The following ECPAS variants were observed in gnomAD, a reference collection of about 807,000 sequenced individuals.
ECPAS encodes proteasome adapter and scaffold protein ECM29.
Under a neutral mutation model 255.1 loss-of-function variants are expected in ECPAS, and 70 were observed. The ratio of observed to expected loss-of-function variants is 0.27; its 90% CI spans 0.23 to 0.33. ECPAS has a LOEUF of 0.33. ECPAS is among the 10% of genes least tolerant of loss of function. ECPAS has a pLI of 1.00. For synonymous variants in ECPAS, 784 were observed against 775.0 expected, an observed-to-expected ratio of 1.01 and a Z score of -0.19; for missense variants, 1,817 against 2,206.4, an observed-to-expected ratio of 0.82 and a Z score of 3.54.
chr9:111,451,163 C>T (rs1464706623), intron 3 of ECPAS, among the ~76,000 whole-genome samples: 2 of 152,106 alleles, frequency 1.3e-5, no homozygotes, highest in Non-Finnish European at 2.9e-5. Flanking sequence ...CAGATCATGC[C>T]TCCATACATT....
At chr9:111,476,038 G>A (rs960520883) in intron 1 of ECPAS, among the ~76,000 whole-genome samples, 2 of 152,222 alleles carry the variant, frequency 1.3e-5, no homozygotes, top group Admixed American at 6.5e-5. Flanking sequence ...AGCACTAGCA[G>A]AGGCTCTCTC....
At chr9:111,483,923 C>A (rs933033710) in intron 1 of ECPAS, 193 bp downstream of exon 1, 6 of 745,826 alleles carry the variant, frequency 8.0e-6, no homozygotes, top group Non-Finnish European at 8.2e-6. Context: ...TCCCAGCGGC[C>A]CCCCCGCCGG....
At chr9:111,443,309 G>A (rs1453871913) in intron 4 of ECPAS, among the ~76,000 whole-genome samples, 1 of 152,154 alleles carries the variant, frequency 6.6e-6, no homozygotes, top group African/African-American at 2.4e-5. Flanking sequence ...GGAGTGCAAT[G>A]GCACAATCTC....
chr9:111,473,026 A>G, intron 1 of ECPAS, 26 bp from the exon 2 acceptor site: 1 of 760,444 alleles, frequency 1.3e-6, no homozygotes, highest in Non-Finnish European at 1.7e-6. Flanking sequence ...CCAAAAAAAT[A>G]CAATTAACAG....
rs555557638 is a variant in ECPAS, at chr9:111,375,368, C to T, written c.4021-166G>A. Reference sequence around the variant, plus strand: ...TTTCAATATTAAAACCACTATTGTACTACAAACAGAAAAATTATTCATCAG... The same window carrying T: ...TTTCAATATTAAAACCACTATTGTATTACAAACAGAAAAATTATTCATCAG... On this transcript the variant is annotated intron_variant, in intron 37 of 49. Coordinates refer to ENST00000684092, the MANE Select transcript of ECPAS (RefSeq NM_001364929.1). Among the ~76,000 whole-genome samples, 35 of 152,226 alleles carry T rather than the reference C, an allele frequency of 2.3e-4. No homozygotes were observed. The South Asian group carries it at 7.1e-3, about 31-fold the overall frequency.
At chr9:111,362,318 T>G in intron 49 of ECPAS, 149 bp from the exon 50 acceptor site, 2 of 633,970 alleles carry the variant, frequency 3.2e-6, no homozygotes, top group Non-Finnish European at 5.3e-6. Context: ...TGATAACAGA[T>G]CAGTATATAA....
chr9:111,389,934 G>T, intron 30 of ECPAS, 50 bp downstream of exon 30: 1 of 1,330,730 alleles, frequency 7.5e-7, no homozygotes, highest in Non-Finnish European at 1.1e-6. Flanking sequence ...AATGTAGCAT[G>T]TTTGGTTTGC....
At chr9:111,450,219 T>C (rs1006574743) in intron 3 of ECPAS, among the ~76,000 whole-genome samples, 1 of 152,126 alleles carries the variant, frequency 6.6e-6, no homozygotes, top group Non-Finnish European at 1.5e-5. Context: ...CTAAGAAGTA[T>C]ACAGAAATCA....
intron 20 of ECPAS, among the ~76,000 whole-genome samples, chr9:111,413,520 GA>G (rs2098198174): frequency 6.6e-6 from 1 of 152,118 alleles, no homozygotes; most frequent in African/African-American, 2.4e-5. Context: ...ATGTTTGTCA[GA>G]GGGGAGAGGA....
chr9:111,398,615 G>C (rs1042007243), intron 24 of ECPAS, among the ~76,000 whole-genome samples: 17 of 152,082 alleles, frequency 1.1e-4, no homozygotes, highest in African/African-American at 3.9e-4. Context: ...GGTGGAAATG[G>C]TTAACAGGTA....
At chr9:111,474,504 G>A (rs899255525) in intron 1 of ECPAS, among the ~76,000 whole-genome samples, 1 of 152,064 alleles carries the variant, frequency 6.6e-6, no homozygotes, top group African/African-American at 2.4e-5. Flanking sequence ...TAGTCTTGCT[G>A]CTCTTGATCT....
chr9:111,378,654 G>A lies in ECPAS; in HGVS notation c.3880C>T (p.Leu1294=). Reference sequence around the variant, plus strand: ...TCCAATACACTTAAGGACTCTAGCAGAGCTGGAATGAGTTTTGGTGCATGC... The same window carrying A: ...TCCAATACACTTAAGGACTCTAGCAAAGCTGGAATGAGTTTTGGTGCATGC... ...KPHAPKLIPA[L]LESLSVLEPQ... Residue 1294 remains leucine, a synonymous_variant, in exon 36 of 50, where the codon CTG becomes TTG. Coordinates refer to ENST00000684092, the MANE Select transcript of ECPAS (RefSeq NM_001364929.1). 6.2e-7 allele frequency: 1 copy of A among 1,613,894 alleles called. No homozygotes were observed. Among genetic ancestry groups the A allele is most frequent in the Non-Finnish European group, 8.5e-7 (1 of 1,179,788 alleles).
chr9:111,391,942 A>C, intron 28 of ECPAS, 118 bp from the exon 29 acceptor site: 1 of 762,932 alleles, frequency 1.3e-6, no homozygotes, highest in Non-Finnish European at 2.2e-6. Context: ...TGTGTACAAG[A>C]TATAAAAGTC....
intron 14 of ECPAS, 24 bp from the exon 15 acceptor site, chr9:111,422,067 C>T (rs769908382): frequency 1.2e-6 from 2 of 1,613,496 alleles, no homozygotes; most frequent in South Asian, 2.2e-5. Context: ...AAAAATGTTT[C>T]CCTCCTTGTT....
At chr9:111,407,414 A>G (rs922026460) in intron 24 of ECPAS, among the ~76,000 whole-genome samples, 5 of 119,628 alleles carry the variant, frequency 4.2e-5, no homozygotes, top group African/African-American at 2.0e-4. Context: ...AAAAAAAAAA[A>G]AAAAAAAAAA....
chr9:111,439,612 T>G (rs2098243046), intron 6 of ECPAS, among the ~76,000 whole-genome samples: 3 of 152,186 alleles, frequency 2.0e-5, no homozygotes, highest in Admixed American at 2.0e-4. Flanking sequence ...TTTTCTTTCT[T>G]TCTTTTTTGA....
intron 20 of ECPAS, among the ~76,000 whole-genome samples, chr9:111,412,523 G>GTAAAA (rs2098196293): frequency 6.6e-6 from 1 of 152,184 alleles, no homozygotes; most frequent in African/African-American, 2.4e-5. Flanking sequence ...CTGGGTTCCA[G>GTAAAA]TAAAACATGG....
intron 2 of ECPAS, among the ~76,000 whole-genome samples, chr9:111,459,602 G>C (rs753286075): frequency 6.6e-6 from 1 of 152,090 alleles, no homozygotes; most frequent in Non-Finnish European, 1.5e-5. Context: ...AGCCAGGCCA[G>C]AAAGCTAAAA....
intron 2 of ECPAS, among the ~76,000 whole-genome samples, chr9:111,469,808 C>CAA (rs1221610578): frequency 7.9e-6 from 1 of 127,098 alleles, no homozygotes; most frequent in Non-Finnish European, 1.7e-5. Flanking sequence ...GACTCTGTCT[C>CAA]AAAAAAAAAA....
Sources: gnomAD v4.1 joint callset for allele counts (sites outside exome capture counted in the v4.1 genomes callset) on GRCh38, gnomAD v4.1.1 for gene constraint, MANE v1.5 for transcripts, NCBI Gene and HGNC (gene_info 2026-07-23, HGNC 2026-07-21) for gene names.